AP3B1: variants seen among roughly 807,000 people sequenced by gnomAD.
AP3B1 encodes the protein adaptor related protein complex 3 subunit beta 1.
AP3B1 carries 61 observed loss-of-function variants against 132.5 expected under a neutral mutation model. The observed-to-expected ratio is 0.46, with a 90% CI of 0.37 to 0.57. The LOEUF is 0.57. AP3B1 is among the 20% of genes least tolerant of loss of function. The pLI is 0.00. For missense variants in AP3B1, 1,120 were observed against 1,289.4 expected (o/e 0.87, Z 2.01); for synonymous variants, 388 against 438.3 (o/e 0.89, Z 1.43).
chr5:78,293,406 G>C (rs1393320810), intron 1 of AP3B1, among the ~76,000 whole-genome samples: 3 of 152,022 alleles, frequency 2.0e-5, no homozygotes. Flanking sequence ...CTAACCTTGG[G>C]AAAAAGGAAA....
chr5:78,191,645 C>G (rs1744839602), intron 7 of AP3B1, among the ~76,000 whole-genome samples: 1 of 152,066 alleles, frequency 6.6e-6, no homozygotes, highest in Non-Finnish European at 1.5e-5. Context: ...CCTAGAACCA[C>G]AAGTAGAACA....
At chr5:78,278,626 G>A (rs7732394) in intron 1 of AP3B1, among the ~76,000 whole-genome samples, 8,013 of 17,794 alleles carry the variant, frequency 0.45, 1,007 homozygotes, top group African/African-American at 0.48. Context: ...AAAAAAAAAA[G>A]GGGGGGGGGG....
At chr5:78,171,375 G>T (rs1200161300) in intron 11 of AP3B1, among the ~76,000 whole-genome samples, 4 of 152,152 alleles carry the variant, frequency 2.6e-5, no homozygotes, top group Admixed American at 2.6e-4. Context: ...AGCGTGAAAT[G>T]TTCTTCCACT....
intron 13 of AP3B1, among the ~76,000 whole-genome samples, chr5:78,156,818 A>T (rs948332110): frequency 1.3e-5 from 2 of 152,212 alleles, no homozygotes; most frequent in Non-Finnish European, 2.9e-5. Flanking sequence ...TTTTTCCTTA[A>T]GTGAAATGCC....
chr5:78,034,249 A>G, intron 24 of AP3B1, 112 bp downstream of exon 24: 1 of 823,402 alleles, frequency 1.2e-6, no homozygotes, highest in East Asian at 2.5e-5. Flanking sequence ...AGCAAAACAT[A>G]TTTGTTTAAA....
chr5:78,219,519 A>G (rs1192043400), intron 6 of AP3B1, among the ~76,000 whole-genome samples: 1 of 152,052 alleles, frequency 6.6e-6, no homozygotes, highest in African/African-American at 2.4e-5. Context: ...AAATGGTAAC[A>G]GTTGATTGGA....
chr5:78,168,213 T>C (rs1353191377), intron 11 of AP3B1, among the ~76,000 whole-genome samples: 4 of 146,500 alleles, frequency 2.7e-5, no homozygotes, highest in African/African-American at 2.6e-5. Flanking sequence ...TTTAGACAAC[T>C]TTTTTCTTTT....
chr5:78,267,438 C>T lies in AP3B1; in HGVS notation c.204+82G>A, dbSNP rs1340369019. On this transcript the variant is annotated intron_variant, in intron 2 of 26. Transcript: ENST00000255194. ...ACAGAATATTAGACTTGGTATTTAA[C>T]GTATTTTTATATATATATATAATAA... 10 of 558,404 alleles carry T rather than the reference C, an allele frequency of 1.8e-5. 1 individual carries two copies. The highest frequency in any genetic ancestry group is 1.3e-4 in the South Asian group (3 of 23,978). 34.6% of individuals were successfully genotyped at this position (558,404 alleles called of 1,614,324 possible). A position where few individuals can be genotyped will look rare whatever the true frequency, so the allele number is the denominator to read the frequency against.
chr5:78,014,023 C>T lies in AP3B1; in HGVS notation c.3131+1387G>A, dbSNP rs554132026. On this transcript the variant is annotated intron_variant, in intron 26 of 26. Coordinates refer to ENST00000255194, the MANE Select transcript of AP3B1 (RefSeq NM_003664.5). ...CTAAAAATACAAAAAATTAGCCGGG[C>T]GTGGTGCCGGGTGCCTGTAGTCCCA... is the stretch of plus-strand genomic sequence containing the variant. Among the ~76,000 whole-genome samples, 5 of 152,180 alleles carry T rather than the reference C, an allele frequency of 3.3e-5. No individual in the cohort carries two copies. In the East Asian group the frequency reaches 5.8e-4, roughly 18 times the overall value.
intron 14 of AP3B1, among the ~76,000 whole-genome samples, chr5:78,151,013 T>C (rs1172532786): frequency 1.3e-5 from 2 of 152,112 alleles, no homozygotes; most frequent in Non-Finnish European, 2.9e-5. Context: ...CCACCTCCCA[T>C]GTTCCACCGA....
At chr5:78,294,348 C>T (rs1290410939) in intron 1 of AP3B1, 104 bp downstream of exon 1, 3 of 1,562,316 alleles carry the variant, frequency 1.9e-6, no homozygotes, top group Non-Finnish European at 1.7e-6. Flanking sequence ...CTGCTCAGAC[C>T]TCAGGGCGAC....
chr5:78,011,647 GA>G (rs1170095470), intron 26 of AP3B1, among the ~76,000 whole-genome samples: 1 of 152,034 alleles, frequency 6.6e-6, no homozygotes, highest in East Asian at 1.9e-4. Context: ...GCTGTGTTAG[GA>G]ATCATTTTCT....
At chr5:78,079,315 T>A (rs1749891873) in intron 22 of AP3B1, among the ~76,000 whole-genome samples, 1 of 152,186 alleles carries the variant, frequency 6.6e-6, no homozygotes, top group Non-Finnish European at 1.5e-5. Flanking sequence ...ATTTTCTTTT[T>A]TACAAAAGAA....
intron 22 of AP3B1, among the ~76,000 whole-genome samples, chr5:78,073,852 GGAA>G (rs1749652976): frequency 6.6e-6 from 1 of 152,172 alleles, no homozygotes; most frequent in East Asian, 1.9e-4. Context: ...CAAAGGAGGA[GGAA>G]GGGAAGTCGA....
At chr5:78,126,520 A>T (rs1391656928) in intron 17 of AP3B1, among the ~76,000 whole-genome samples, 2 of 151,282 alleles carry the variant, frequency 1.3e-5, no homozygotes, top group Non-Finnish European at 2.9e-5. Context: ...AAAAAAAAAA[A>T]AAAAAAAAAA....
chr5:78,081,398 C>T (rs1749997069), intron 22 of AP3B1, among the ~76,000 whole-genome samples: 1 of 150,324 alleles, frequency 6.7e-6, no homozygotes, highest in African/African-American at 2.5e-5. Flanking sequence ...AGCTCCGCCT[C>T]CCGGGTTCAC....
intron 22 of AP3B1, among the ~76,000 whole-genome samples, chr5:78,049,204 G>C (rs1748473096): frequency 6.6e-6 from 1 of 152,134 alleles, no homozygotes; most frequent in African/African-American, 2.4e-5. Flanking sequence ...ACAAAGTACG[G>C]CTTTGCCTTT....
chr5:78,261,812 C>T (rs1461033772), intron 2 of AP3B1, among the ~76,000 whole-genome samples: 1 of 149,040 alleles, frequency 6.7e-6, no homozygotes, highest in Non-Finnish European at 1.5e-5. Flanking sequence ...AGTGCAGTGG[C>T]ATGATCTTGG....
Position 78,097,221 on chromosome 5 carries a change from GT to G in AP3B1, c.2470+3731del, listed in dbSNP as rs1561403887. Among the ~76,000 whole-genome samples, 24 of 117,288 alleles carry G rather than the reference GT, an allele frequency of 2.0e-4. 1 individual carries two copies. The highest frequency in any genetic ancestry group is 8.3e-4 in the African/African-American group (24 of 29,058). 76.9% of individuals were successfully genotyped at this position (117,288 alleles called of 152,430 possible). A position where few individuals can be genotyped will look rare whatever the true frequency, so the allele number is the denominator to read the frequency against. The stretch of plus-strand genomic sequence containing the variant: ...GCCCCTCTGCCCGGCCAGCCACCCC[GT>G]CCGGGAGGGAGGTGGGGGGGTCAGC... On this transcript the variant is annotated intron_variant, in intron 21 of 26. Transcript: ENST00000255194.
Sources: allele counts gnomAD v4.1 joint callset (sites outside exome capture counted in the v4.1 genomes callset), GRCh38; gene constraint gnomAD v4.1.1; transcripts MANE v1.5; gene names NCBI Gene and HGNC (gene_info 2026-07-23, HGNC 2026-07-21).